The following LMNTD1 variants were observed in gnomAD, a reference collection of about 807,000 sequenced individuals.
LMNTD1 encodes lamin tail domain-containing protein 1.
A neutral mutation model predicts 50.9 loss-of-function variants in LMNTD1; 35 were observed. That is an observed-to-expected ratio of 0.69 (90% CI 0.53 to 0.91). The LOEUF (loss-of-function observed/expected upper bound fraction) is 0.91, where lower values mean the gene tolerates loss of function less well. Among genes scored for constraint, LMNTD1 ranks in the 40% least tolerant of loss-of-function variants. The pLI is 0.00. For missense variants in LMNTD1, 470 were observed against 475.5 expected, an observed-to-expected ratio of 0.99 and a Z score of 0.11; for synonymous variants, 153 against 161.9, an observed-to-expected ratio of 0.94 and a Z score of 0.42.
intron 9 of LMNTD1, among the ~76,000 whole-genome samples, chr12:25,480,200 C>T (rs1938401268): frequency 6.6e-6 from 1 of 152,168 alleles, no homozygotes. Context: ...GTGTGGCTGC[C>T]ACACATGGTT....
chr12:25,571,525 G>A (rs1273888024), intron 1 of LMNTD1, among the ~76,000 whole-genome samples: 2 of 151,580 alleles, frequency 1.3e-5, no homozygotes, highest in African/African-American at 4.9e-5. Context: ...TACCACACCC[G>A]GCTAATGTTT....
chr12:25,648,574 G>A (rs1213143068), upstream of LMNTD1: 14 of 1,546,906 alleles, frequency 9.1e-6, no homozygotes, highest in Admixed American at 5.9e-5. Context: ...AGCTTCTTCT[G>A]TTATGCTCAG....
chr12:25,620,704 C>T lies in LMNTD1; in HGVS notation c.58+27790G>A, dbSNP rs1057007003. Among the ~76,000 whole-genome samples the T allele has an allele frequency of 4.6e-5, 7 of 152,074 alleles. 1 individual carries two copies. Among genetic ancestry groups the T allele is most frequent in the African/African-American group, 1.7e-4 (7 of 41,392 alleles). ...AACTTGAAAGTGCTAAACTGAGCAC[C>T]GCAACTTCAGGCACTGGGTCCCCGC... On this transcript the variant is annotated intron_variant, in intron 1 of 7. Coordinates refer to the LMNTD1 transcript ENST00000445693.
At chr12:25,621,608 CTCA>C (rs771477475) in intron 1 of LMNTD1, among the ~76,000 whole-genome samples, 3 of 152,150 alleles carry the variant, frequency 2.0e-5, no homozygotes, top group Non-Finnish European at 4.4e-5. Context: ...CCAACACCTC[CTCA>C]TATTTCTTAA....
intron 8 of LMNTD1, among the ~76,000 whole-genome samples, chr12:25,517,703 GTAAGAATAATAATAATAATAA>G (rs1450732129): frequency 1.7e-5 from 2 of 114,558 alleles, no homozygotes; most frequent in Admixed American, 9.5e-5. Context: ...AACTTAAAGT[GTAAGAATAATAATAATAATAA>G]TAATAATAAT....
intron 1 of LMNTD1, among the ~76,000 whole-genome samples, chr12:25,637,398 A>T (rs780930358): frequency 6.6e-6 from 1 of 152,182 alleles, no homozygotes; most frequent in Admixed American, 6.6e-5. Context: ...TCAAATAGAG[A>T]ATACCCATTA....
chr12:25,639,824 A>G (rs760124439), intron 1 of LMNTD1, among the ~76,000 whole-genome samples: 1 of 152,252 alleles, frequency 6.6e-6, no homozygotes, highest in Non-Finnish European at 1.5e-5. Flanking sequence ...ATATAAAAAC[A>G]CATATCCACA....
At chr12:25,577,862 C>G (rs921778212) in intron 1 of LMNTD1, among the ~76,000 whole-genome samples, 8 of 152,114 alleles carry the variant, frequency 5.3e-5, no homozygotes, top group Non-Finnish European at 1.0e-4. Flanking sequence ...TGTGAGGCAT[C>G]AGGGTCTGTG....
intron 8 of LMNTD1, among the ~76,000 whole-genome samples, chr12:25,513,143 C>T (rs936529241): frequency 6.6e-6 from 1 of 152,148 alleles, no homozygotes; most frequent in Non-Finnish European, 1.5e-5. Context: ...AACAAATTCT[C>T]AGCAAAATGA....
chr12:25,612,627 G>A (rs1946273651), intron 1 of LMNTD1, among the ~76,000 whole-genome samples: 1 of 151,886 alleles, frequency 6.6e-6, no homozygotes, highest in Non-Finnish European at 1.5e-5. Context: ...GAATCCCTTT[G>A]GCTGAATGAA....
At chr12:25,632,466 G>A (rs889862889) in intron 1 of LMNTD1, among the ~76,000 whole-genome samples, 1 of 152,200 alleles carries the variant, frequency 6.6e-6, no homozygotes, top group Admixed American at 6.5e-5. Context: ...AACCCTACAA[G>A]CTAGAAGGGA....
intron 1 of LMNTD1, among the ~76,000 whole-genome samples, chr12:25,624,709 G>T (rs1297648686): frequency 1.3e-5 from 2 of 152,150 alleles, no homozygotes; most frequent in African/African-American, 4.8e-5. Flanking sequence ...GTTGTTCAAG[G>T]TAAGGGGATT....
chr12:25,499,862 G>A lies in LMNTD1; in HGVS notation c.*22+3876C>T, dbSNP rs78952431. ...TGTTCTATGCCTCCTCTATGAAAGC[G>A]GAACCCGCTACGTTTGCTCAGGCAT... On this transcript the variant is annotated intron_variant, in intron 9 of 9. Transcript: ENST00000458174. 2.0e-4 allele frequency: 31 copies of A among 152,278 alleles called. No individual in the cohort carries two copies. In the East Asian group the frequency reaches 4.8e-3, roughly 24 times the overall value. The allele number at this position is 152,278 out of a possible 1,614,324, so 9.4% of individuals were successfully genotyped here.
At chr12:25,557,414 C>T (rs1029621389), upstream of LMNTD1, 5 of 152,204 alleles carry the variant, frequency 3.3e-5, no homozygotes, top group Admixed American at 2.6e-4. Context: ...ATTTCTGAGG[C>T]TGAGTCTCAA....
At chr12:25,527,711 C>CATATAT (rs1385527466) in intron 4 of LMNTD1, among the ~76,000 whole-genome samples, 1,457 of 125,308 alleles carry the variant, frequency 0.012, 75 homozygotes, top group African/African-American at 0.024. Context: ...CACACACACA[C>CATATAT]ACACACACAT....
At chr12:25,497,964 A>G (rs1333731663) in intron 9 of LMNTD1, among the ~76,000 whole-genome samples, 1 of 152,154 alleles carries the variant, frequency 6.6e-6, no homozygotes, top group African/African-American at 2.4e-5. Context: ...TTAAAAGAAG[A>G]TATTGGGGAA....
Position 25,621,635 on chromosome 12 carries a change from T to G in LMNTD1, c.58+26859A>C, listed in dbSNP as rs191700209. Among the ~76,000 whole-genome samples, 40 of 152,298 alleles carry G rather than the reference T, an allele frequency of 2.6e-4. No homozygotes were observed. In the East Asian group the frequency reaches 7.5e-3, roughly 29 times the overall value. ...CATATTTCTTAAATGAATAATTCTGTTCCCCTATTTTTCCTTTCAGTTATT... is the reference window on the plus strand; with the variant it reads ...CATATTTCTTAAATGAATAATTCTGGTCCCCTATTTTTCCTTTCAGTTATT... On this transcript the variant is annotated intron_variant, in intron 1 of 7. Coordinates refer to the LMNTD1 transcript ENST00000445693.
chr12:25,535,904 C>T (rs1214546225), intron 4 of LMNTD1, among the ~76,000 whole-genome samples: 2 of 151,970 alleles, frequency 1.3e-5, no homozygotes, highest in African/African-American at 4.8e-5. Flanking sequence ...ATGCTAACAC[C>T]AGTAAAAAGA....
In LMNTD1 at chr12:25,519,885, A is replaced by C. The variant is rs1941150707; in HGVS notation, c.989T>G (p.Val330Gly). ...CTTAAGAAGAACTTGAGCTTGTTCC[A>C]CCTGATAATTTGAGATATCTTTCTT... ...QPKKDISNYQ[V>G]EQAQVLLKRE... is the part of the protein sequence containing the mutation. Residue 330 changes from valine (V) to glycine (G), a missense_variant, in exon 7 of 10, where the codon GTG becomes GGG. Val to Gly is a moderately radical substitution (Grantham distance 109, BLOSUM62 -3). Coordinates refer to ENST00000458174, the MANE Select transcript of LMNTD1 (RefSeq NM_001145728.2). 5.0e-6 allele frequency: 8 copies of C among 1,611,388 alleles called. 1 individual carries two copies. The highest frequency in any genetic ancestry group is 3.3e-5 in the South Asian group (3 of 90,916).
Sources: gnomAD v4.1 joint callset for allele counts (sites outside exome capture counted in the v4.1 genomes callset) on GRCh38, gnomAD v4.1.1 for gene constraint, MANE v1.5 for transcripts, NCBI Gene and HGNC (gene_info 2026-07-23, HGNC 2026-07-21) for gene names.